Variants in MYO18B observed in about 807,000 individuals in gnomAD.
MYO18B encodes the protein myosin XVIIIB, also known as unconventional myosin-XVIIIb.
A neutral mutation model predicts 273.0 loss-of-function variants in MYO18B; 204 were observed. The observed-to-expected ratio is 0.75, with a 90% CI of 0.67 to 0.84. The LOEUF is 0.84. Among genes scored for constraint, MYO18B ranks in the 40% least tolerant of loss-of-function variants. MYO18B has a pLI of 0.00. For missense variants in MYO18B, 3,212 were observed against 3,287.6 expected (o/e 0.98, Z 0.56); for synonymous variants, 1,330 against 1,305.7 (o/e 1.02, Z -0.40).
intron 39 of MYO18B, among the ~76,000 whole-genome samples, chr22:25,991,538 T>C (rs2093270645): frequency 6.6e-6 from 1 of 152,138 alleles, no homozygotes; most frequent in African/African-American, 2.4e-5. Context: ...AGGTTGCAAA[T>C]TAAAGTCAGA....
At chr22:26,017,920 A>G (rs1316353638) in intron 42 of MYO18B, among the ~76,000 whole-genome samples, 3 of 148,640 alleles carry the variant, frequency 2.0e-5, no homozygotes, top group African/African-American at 7.5e-5. Context: ...TCTCTTTTAA[A>G]TGAGAACGAT....
At chr22:25,782,673 C>T (rs1214628987) in intron 10 of MYO18B, among the ~76,000 whole-genome samples, 2 of 152,174 alleles carry the variant, frequency 1.3e-5, no homozygotes, top group East Asian at 3.8e-4. Context: ...TTACTGTGCT[C>T]TAACCTCACC....
intron 39 of MYO18B, among the ~76,000 whole-genome samples, chr22:25,979,474 G>A (rs2093127373): frequency 6.6e-6 from 1 of 152,168 alleles, no homozygotes; most frequent in African/African-American, 2.4e-5. Context: ...CTGGGAAGTT[G>A]GGATTGGGGC....
chr22:26,057,524 CTT>C, the MYO18B span, among the ~76,000 whole-genome samples: 744 of 136,992 alleles, frequency 5.4e-3, 12 homozygotes, highest in African/African-American at 0.018. Flanking sequence ...TGCAAAGTCA[CTT>C]TTTTTTTTTT....
Position 25,829,515 on chromosome 22 carries a change from T to A in MYO18B, c.2979+547T>A, listed in dbSNP as rs566566114. 4.8e-5 allele frequency among the ~76,000 whole-genome samples: 6 copies of A among 125,786 alleles called. No homozygotes were observed. The East Asian group carries it at 1.2e-3, about 26-fold the overall frequency. 82.5% of individuals were successfully genotyped at this position (125,786 alleles called of 152,430 possible). ...CAGGCATGATCCTGCCAGCCCTTCTTTTTTCATAAAAAAAAAAAAAAAGAG... is the reference window on the plus strand; with the variant it reads ...CAGGCATGATCCTGCCAGCCCTTCTATTTTCATAAAAAAAAAAAAAAAGAG... On this transcript the variant is annotated intron_variant, in intron 15 of 43. Coordinates refer to ENST00000335473, the MANE Select transcript of MYO18B (RefSeq NM_032608.7).
intron 39 of MYO18B, chr22:25,983,424 A>G (rs964447885): frequency 2.6e-5 from 4 of 152,194 alleles, no homozygotes; most frequent in African/African-American, 9.7e-5. Context: ...TCCTCAAAAT[A>G]TGGACATGGA....
chr22:25,895,261 G>A lies in MYO18B; in HGVS notation c.4649G>A (p.Arg1550Lys). 6.2e-7 allele frequency: 1 copy of A among 1,602,034 alleles called. No homozygotes were observed. The highest frequency in any genetic ancestry group is 1.1e-5 in the South Asian group (1 of 88,510). ...AGGCTGGACTCGGAGCTGACAGCCA[G>A]GAAAGAGCTGGAGCAAAAGGTAAGA... ...EERLDSELTA[R>K]KELEQKLGEL... is the part of the protein sequence containing the mutation. The change falls in exon 28 of 44, where the codon AGG (arginine) becomes AAG (lysine). Residue 1550 changes from arginine to lysine, a missense_variant. Physicochemically the swap from Arg to Lys is conservative, Grantham distance 26. Transcript: ENST00000335473.
chr22:25,749,674 C>T (rs114989234), intron 1 of MYO18B, among the ~76,000 whole-genome samples: 5,064 of 152,212 alleles, frequency 0.033, 219 homozygotes, highest in African/African-American at 0.1. Context: ...GGGCATGCCA[C>T]GTGGATGTCA....
At chr22:25,843,359 C>T (rs969219052) in intron 17 of MYO18B, among the ~76,000 whole-genome samples, 2 of 152,126 alleles carry the variant, frequency 1.3e-5, no homozygotes, top group Non-Finnish European at 2.9e-5. Flanking sequence ...CACATCAAAT[C>T]GGCAATATGA....
At chr22:25,802,765 A>AC (rs1369025355) in intron 12 of MYO18B, among the ~76,000 whole-genome samples, 16 of 90,660 alleles carry the variant, frequency 1.8e-4, no homozygotes, top group African/African-American at 5.4e-4. Context: ...AAAAAAAAAA[A>AC]AAAAAAAAAA....
intron 15 of MYO18B, among the ~76,000 whole-genome samples, chr22:25,830,371 T>C (rs2089661158): frequency 6.6e-6 from 1 of 152,188 alleles, no homozygotes; most frequent in African/African-American, 2.4e-5. Context: ...GTGTAGTGGC[T>C]TAGAAAAAAA....
At chr22:25,837,406 T>A (rs903588473) in intron 17 of MYO18B, among the ~76,000 whole-genome samples, 26 of 152,176 alleles carry the variant, frequency 1.7e-4, no homozygotes, top group Non-Finnish European at 3.7e-4. Flanking sequence ...CAGGAGGGAT[T>A]GACCTTATCA....
chr22:26,026,220 G>T (rs778544472), intron 42 of MYO18B, among the ~76,000 whole-genome samples: 24 of 152,180 alleles, frequency 1.6e-4, no homozygotes, highest in Non-Finnish European at 3.1e-4. Flanking sequence ...AATGTACTTA[G>T]CTGGGTTTAA....
intron 39 of MYO18B, among the ~76,000 whole-genome samples, chr22:25,978,973 T>C (rs1044671478): frequency 1.3e-5 from 2 of 152,046 alleles, no homozygotes; most frequent in African/African-American, 4.8e-5. Flanking sequence ...TCTGAATCTT[T>C]AGGAGATGAT....
intron 24 of MYO18B, chr22:25,877,331 A>G (rs1388336970): frequency 6.6e-6 from 1 of 152,216 alleles, no homozygotes; most frequent in African/African-American, 2.4e-5. Context: ...TCTTTAATTT[A>G]CAAAGAGTAA....
chr22:25,754,951 C>T (rs995219482), intron 1 of MYO18B, among the ~76,000 whole-genome samples: 1 of 152,194 alleles, frequency 6.6e-6, no homozygotes, highest in African/African-American at 2.4e-5. Flanking sequence ...TCTTGGGAAG[C>T]GGCTGCTGAC....
chr22:25,775,478 A>G (rs1019284837), intron 7 of MYO18B, among the ~76,000 whole-genome samples: 1 of 152,134 alleles, frequency 6.6e-6, no homozygotes, highest in Non-Finnish European at 1.5e-5. Flanking sequence ...TGGGCTTCAG[A>G]CATCCTCCTG....
intron 31 of MYO18B, among the ~76,000 whole-genome samples, chr22:25,906,556 TGA>T (rs1275955365): frequency 1.3e-5 from 2 of 152,204 alleles, no homozygotes; most frequent in Admixed American, 1.3e-4. Flanking sequence ...AAAAGCTTGA[TGA>T]GAGGTGCTGG....
intron 39 of MYO18B, among the ~76,000 whole-genome samples, chr22:25,955,953 C>T (rs956921677): frequency 2.0e-5 from 3 of 152,080 alleles, no homozygotes; most frequent in Non-Finnish European, 4.4e-5. Context: ...GTATTTGCTC[C>T]CTACCAGGTT....
Sources: allele counts gnomAD v4.1 joint callset (sites outside exome capture counted in the v4.1 genomes callset), GRCh38; gene constraint gnomAD v4.1.1; transcripts MANE v1.5; gene names NCBI Gene and HGNC (gene_info 2026-07-23, HGNC 2026-07-21).